Variants in ATP11A observed in about 807,000 individuals in gnomAD.
The protein encoded by ATP11A is ATPase phospholipid transporting 11A, also known as phospholipid-transporting ATPase IH.
Under a neutral mutation model 154.4 loss-of-function variants are expected in ATP11A, and 81 were observed. The ratio of observed to expected loss-of-function variants is 0.52; its 90% CI spans 0.44 to 0.63. The LOEUF is 0.63. Ranked by LOEUF, ATP11A falls within the 30% of genes least tolerant of loss-of-function variation. The pLI is 0.00. For missense variants in ATP11A, 1,316 were observed against 1,474.3 expected, an observed-to-expected ratio of 0.89 and a Z score of 1.76; for synonymous variants, 623 against 585.9, an observed-to-expected ratio of 1.06 and a Z score of -0.91.
At chr13:112,805,082 T>C in intron 3 of ATP11A, 36 bp downstream of exon 3, 1 of 1,461,000 alleles carries the variant, frequency 6.8e-7, no homozygotes, top group Non-Finnish European at 9.4e-7. Flanking sequence ...TCATCACATA[T>C]AAATCTAAAT....
rs191019570 is a variant in ATP11A, at chr13:112,784,759, G to A, written c.40-376G>A. On this transcript the variant is annotated intron_variant, in intron 1 of 29. Coordinates refer to ENST00000375645, the MANE Select transcript of ATP11A (RefSeq NM_015205.3). ...AGGATGGTCTCCATCTCCTGACCTC[G>A]TGATCCGCCCATCTCGGCCTCCCAA... is the stretch of plus-strand genomic sequence containing the variant. Among the ~76,000 whole-genome samples the A allele has an allele frequency of 2.5e-3, 375 of 152,300 alleles. 2 individuals carry two copies. Among genetic ancestry groups the A allele is most frequent in the African/African-American group, 8.6e-3 (356 of 41,572 alleles).
intron 2 of ATP11A, among the ~76,000 whole-genome samples, chr13:112,793,202 G>A (rs191633750): frequency 1.3e-3 from 196 of 152,070 alleles, no homozygotes; most frequent in African/African-American, 4.4e-3. Flanking sequence ...AGAGCCAGGG[G>A]CCCTTTCTTT....
intron 2 of ATP11A, among the ~76,000 whole-genome samples, chr13:112,800,461 T>G (rs947664302): frequency 2.0e-5 from 3 of 152,002 alleles, no homozygotes; most frequent in Non-Finnish European, 2.9e-5. Context: ...AAATATAATC[T>G]GGGTGGGCCT....
At chr13:112,757,828 G>A (rs1321063446) in intron 1 of ATP11A, among the ~76,000 whole-genome samples, 1 of 152,232 alleles carries the variant, frequency 6.6e-6, no homozygotes, top group African/African-American at 2.4e-5. Flanking sequence ...TGCAGTCTGT[G>A]CTTCCAAGGA....
chr13:112,784,562 C>T (rs2077575283), intron 1 of ATP11A, among the ~76,000 whole-genome samples: 2 of 149,454 alleles, frequency 1.3e-5, no homozygotes, highest in African/African-American at 4.9e-5. Flanking sequence ...CTCGCTCTGT[C>T]CCCCAGGCTG....
At chr13:112,702,476 G>C (rs796859610) in intron 1 of ATP11A, among the ~76,000 whole-genome samples, 71 of 152,356 alleles carry the variant, frequency 4.7e-4, no homozygotes, top group African/African-American at 1.7e-3. Context: ...GGGGGTGCGT[G>C]ATGGTGTCTC....
rs561806145 is a variant in ATP11A, at chr13:112,769,574, C to T, written c.40-15561C>T. On this transcript the variant is annotated intron_variant, in intron 1 of 29. Coordinates refer to ENST00000375645, the MANE Select transcript of ATP11A (RefSeq NM_015205.3). ...ATAGTTCTCCCAACTTCCCCAGAGC[C>T]GGCCCATAGCTCAGTCATGTGAACC... is the stretch of plus-strand genomic sequence containing the variant. 2.6e-5 allele frequency among the ~76,000 whole-genome samples: 4 copies of T among 152,360 alleles called. No homozygotes were observed. In the East Asian group the frequency reaches 7.7e-4, roughly 29 times the overall value.
chr13:112,762,421 A>G (rs2076983662), intron 1 of ATP11A, among the ~76,000 whole-genome samples: 1 of 152,092 alleles, frequency 6.6e-6, no homozygotes, highest in South Asian at 2.1e-4. Context: ...GGCCTTTGTG[A>G]GAACTGTCTC....
chr13:112,693,680 G>T (rs148204837), intron 1 of ATP11A, among the ~76,000 whole-genome samples: 2 of 152,210 alleles, frequency 1.3e-5, no homozygotes, highest in Admixed American at 6.5e-5. Flanking sequence ...GGCCAGGCGC[G>T]GTGGCTCATG....
chr13:112,866,166 A>G (rs780700676), intron 25 of ATP11A, among the ~76,000 whole-genome samples: 1 of 152,166 alleles, frequency 6.6e-6, no homozygotes, highest in African/African-American at 2.4e-5. Context: ...ACCAACACAC[A>G]TATGGTAAGA....
intron 13 of ATP11A, 104 bp downstream of exon 13, chr13:112,831,652 C>G: frequency 7.4e-7 from 1 of 1,343,364 alleles, no homozygotes; most frequent in Non-Finnish European, 1.0e-6. Context: ...TCCAGGCCCT[C>G]TCTACGGACT....
intron 17 of ATP11A, among the ~76,000 whole-genome samples, chr13:112,845,065 A>G (rs1452577455): frequency 2.1e-4 from 31 of 147,296 alleles, no homozygotes. Flanking sequence ...CAGTCCAGTT[A>G]CTGGGCACTG....
intron 1 of ATP11A, among the ~76,000 whole-genome samples, chr13:112,757,075 T>C (rs534330768): frequency 6.6e-6 from 1 of 152,392 alleles, no homozygotes; most frequent in South Asian, 2.1e-4. Context: ...TAAGTGCTTT[T>C]TATTTATTTA....
intron 1 of ATP11A, among the ~76,000 whole-genome samples, chr13:112,747,843 AAAAAC>A (rs200702573): frequency 0.022 from 3,308 of 152,216 alleles, 50 homozygotes; most frequent in Non-Finnish European, 0.033. Context: ...ATCTCAAAAA[AAAAAC>A]AAAACAAAAC....
chr13:112,733,449 T>A (rs1161136496), intron 1 of ATP11A, among the ~76,000 whole-genome samples: 2 of 152,252 alleles, frequency 1.3e-5, no homozygotes, highest in African/African-American at 2.4e-5. Context: ...CTGTTTTTAC[T>A]AACACTGGAT....
In ATP11A at chr13:112,697,530, C is replaced by G. The variant is rs1037877974; in HGVS notation, c.39+7075C>G. Reference sequence around the variant, plus strand: ...GAGCCTGGTGTCCAGAGCCAGAGTTCCGAGGGCCTCCTCATAGTTTTAAAA... The same window carrying G: ...GAGCCTGGTGTCCAGAGCCAGAGTTGCGAGGGCCTCCTCATAGTTTTAAAA... On this transcript the variant is annotated intron_variant, in intron 1 of 29. Coordinates refer to ENST00000375645, the MANE Select transcript of ATP11A (RefSeq NM_015205.3). This position sits in a 1 kb window ranked among gnomAD's most constrained non-coding sequence, Gnocchi z 4.0. Among the ~76,000 whole-genome samples, 2 of 152,096 alleles carry G rather than the reference C, an allele frequency of 1.3e-5. No individual in the cohort carries two copies. The highest frequency in any genetic ancestry group is 1.5e-5 in the Non-Finnish European group (1 of 68,016).
intron 12 of ATP11A, among the ~76,000 whole-genome samples, chr13:112,827,420 T>C (rs1385159687): frequency 6.6e-6 from 1 of 152,078 alleles, no homozygotes; most frequent in Non-Finnish European, 1.5e-5. Flanking sequence ...CCTTACAGGA[T>C]TGGGTTGCAG....
intron 24 of ATP11A, among the ~76,000 whole-genome samples, chr13:112,861,581 C>G (rs1342802828): frequency 6.6e-6 from 1 of 152,246 alleles, no homozygotes; most frequent in African/African-American, 2.4e-5. Context: ...CCACCATAGC[C>G]AAGACCACTC....
At chr13:112,809,441 C>T (rs1190471577) in intron 4 of ATP11A, among the ~76,000 whole-genome samples, 2 of 152,142 alleles carry the variant, frequency 1.3e-5, no homozygotes, top group Non-Finnish European at 2.9e-5. Context: ...GCCACGTGGC[C>T]CACAGGGAGG....
Sources: allele counts gnomAD v4.1 joint callset (sites outside exome capture counted in the v4.1 genomes callset), GRCh38; gene constraint gnomAD v4.1.1; non-coding constraint Gnocchi (gnomAD v3.1); transcripts MANE v1.5; gene names NCBI Gene and HGNC (gene_info 2026-07-23, HGNC 2026-07-21).